The following NUP205 variants were observed in gnomAD, a reference collection of about 807,000 sequenced individuals.
The protein encoded by NUP205 is nucleoporin 205.
A neutral mutation model predicts 253.8 loss-of-function variants in NUP205; 76 were observed. That is an observed-to-expected ratio of 0.30 (90% CI 0.25 to 0.36). NUP205 has a LOEUF of 0.36. NUP205 is among the 10% of genes least tolerant of loss of function. The pLI is 1.00. For synonymous variants in NUP205, 832 were observed against 850.1 expected (o/e 0.98, Z 0.37); for missense variants, 2,162 against 2,425.5 (o/e 0.89, Z 2.28).
At chr7:135,607,959 G>A (rs377607763) in intron 22 of NUP205, among the ~76,000 whole-genome samples, 35 of 149,938 alleles carry the variant, frequency 2.3e-4, no homozygotes, top group African/African-American at 8.1e-4. Flanking sequence ...GTCCCACCAT[G>A]CATGACTAAT....
intron 35 of NUP205, among the ~76,000 whole-genome samples, chr7:135,634,190 C>T (rs1794767084): frequency 6.6e-6 from 1 of 152,156 alleles, no homozygotes; most frequent in African/African-American, 2.4e-5. Context: ...CACACCTCAG[C>T]CTCCCAAAAT....
intron 30 of NUP205, among the ~76,000 whole-genome samples, chr7:135,621,754 C>A (rs1794474299): frequency 6.6e-6 from 1 of 151,948 alleles, no homozygotes; most frequent in Admixed American, 6.5e-5. Context: ...TTTTTGGAGG[C>A]AAATTTTTGT....
In NUP205 at chr7:135,638,616, C is replaced by T. The variant is rs115209634; in HGVS notation, c.5325C>T (p.Phe1775=). Residue 1775 remains phenylalanine, a synonymous_variant, in exon 38 of 43, where the codon TTC becomes TTT. Coordinates refer to ENST00000285968, the MANE Select transcript of NUP205 (RefSeq NM_015135.3). Reference sequence around the variant, plus strand: ...TCATGTTACAGAGTTCCCCTACCTTCCAGCATGCTGTGTGTCTCTTCACTC... The same window carrying T: ...TCATGTTACAGAGTTCCCCTACCTTTCAGCATGCTGTGTGTCTCTTCACTC... The part of the protein sequence containing the change: ...QSLMLQSSPT[F]QHAVCLFTPS... 234 of 1,613,872 alleles carry T rather than the reference C, an allele frequency of 1.4e-4. 1 individual carries two copies. The African/African-American group carries it at 2.9e-3, about 20-fold the overall frequency.
At chr7:135,633,261 G>A (rs1231517013) in intron 35 of NUP205, among the ~76,000 whole-genome samples, 1 of 151,822 alleles carries the variant, frequency 6.6e-6, no homozygotes, top group East Asian at 1.9e-4. Context: ...ACCACGCCTG[G>A]CCTATTTGTT....
At chr7:135,614,402 CT>C (rs139088190) in intron 23 of NUP205, 129 bp downstream of exon 23, 8,617 of 581,098 alleles carry the variant, frequency 0.015, 612 homozygotes, top group African/African-American at 0.15. Flanking sequence ...ATTTTGGGTT[CT>C]TTTTGTAATT....
chr7:135,629,896 C>T (rs1420018936), intron 34 of NUP205, among the ~76,000 whole-genome samples: 13 of 152,152 alleles, frequency 8.5e-5, no homozygotes, highest in Non-Finnish European at 1.9e-4. Flanking sequence ...GTGATTTCCC[C>T]ATGTCATGCT....
At chr7:135,630,306 C>CTT in intron 34 of NUP205, 38 bp from the exon 35 acceptor site, 1 of 1,473,696 alleles carries the variant, frequency 6.8e-7, no homozygotes, top group Non-Finnish European at 9.1e-7. Flanking sequence ...TCTACTTCTA[C>CTT]CTGTTTTTTC....
Position 135,576,958 on chromosome 7 carries a change from T to C in NUP205, c.489-11T>C. On this transcript the variant is annotated splice_polypyrimidine_tract_variant and intron_variant, in intron 4 of 42. Coordinates refer to ENST00000285968, the MANE Select transcript of NUP205 (RefSeq NM_015135.3). ...TGTTTAACGTAGTTTATTGATTTCT[T>C]TTCATTACAGTCCAGAGCTGGCTTC... The C allele has an allele frequency of 6.2e-7, 1 of 1,602,608 alleles. No homozygotes were observed. Among genetic ancestry groups the C allele is most frequent in the Non-Finnish European group, 8.5e-7 (1 of 1,176,896 alleles).
At chr7:135,594,484 TTGC>T (rs990715753) in intron 12 of NUP205, 60 bp from the exon 13 acceptor site, 69 of 1,290,642 alleles carry the variant, frequency 5.3e-5, no homozygotes, top group Non-Finnish European at 7.1e-5. Flanking sequence ...ATTTAGATGA[TTGC>T]TGGTCATTTT....
intron 41 of NUP205, 120 bp downstream of exon 41, chr7:135,645,716 G>T (rs1187958539): frequency 2.1e-6 from 2 of 954,056 alleles, no homozygotes; most frequent in Non-Finnish European, 3.1e-6. Flanking sequence ...TGAATCAAGA[G>T]CTGTTTAGTC....
Position 135,638,078 on chromosome 7 carries a change from C to T in NUP205, c.5265+19C>T, listed in dbSNP as rs1276559824. On this transcript the variant is annotated intron_variant, in intron 37 of 42. Transcript: ENST00000285968. ...GCAGCAGGTAAGAACCATGTGACTT[C>T]TCTAAGGTTTTTATGTTTTTGGAAA... 3 of 1,602,216 alleles carry T rather than the reference C, an allele frequency of 1.9e-6. No individual in the cohort carries two copies.
intron 30 of NUP205, among the ~76,000 whole-genome samples, chr7:135,621,009 CAG>C (rs1454848333): frequency 5.9e-5 from 9 of 152,168 alleles, no homozygotes; most frequent in Admixed American, 5.9e-4. Flanking sequence ...TCAAGTTATT[CAG>C]AGTTATTCTG....
At chr7:135,604,870 A>G (rs1794053867) in intron 19 of NUP205, among the ~76,000 whole-genome samples, 1 of 152,160 alleles carries the variant, frequency 6.6e-6, no homozygotes, top group Non-Finnish European at 1.5e-5. Context: ...CTTGTGATCC[A>G]CCTGTGTGTC....
rs372978890 is a variant in NUP205, at chr7:135,591,445, T to C, written c.1474-5T>C. ...ATATAAACCATTTGTTTCTCTCTTT[T>C]TCAGGTTGTCTTGTCAAAGTTTGTT... On this transcript the variant is annotated splice_region_variant and splice_polypyrimidine_tract_variant and intron_variant, in intron 10 of 42. Transcript: ENST00000285968. The C allele has an allele frequency of 1.2e-6, 2 of 1,613,454 alleles. No individual in the cohort carries two copies. Among genetic ancestry groups the C allele is most frequent in the East Asian group, 2.2e-5 (1 of 44,860 alleles).
chr7:135,621,471 TAAG>T lies in NUP205; in HGVS notation c.4331-1302_4331-1300del, dbSNP rs1023209254. 1.1e-3 allele frequency among the ~76,000 whole-genome samples: 175 copies of T among 152,332 alleles called. 1 individual carries two copies. Among genetic ancestry groups the T allele is most frequent in the African/African-American group, 4.1e-3 (169 of 41,562 alleles). ...GTGGGGCTCTACAATAGGCTTTTTA[TAAG>T]AAGTCATCAAGATGCCAATTTAAAA... On this transcript the variant is annotated intron_variant, in intron 30 of 42. Transcript: ENST00000285968.
chr7:135,597,261 G>C, intron 13 of NUP205, 107 bp from the exon 14 acceptor site: 1 of 704,640 alleles, frequency 1.4e-6, no homozygotes, highest in South Asian at 1.9e-5. Flanking sequence ...GACATTGTGA[G>C]ATCTGTGGGT....
rs749738351 is a variant in NUP205 at position 135,616,744 on chromosome 7, T to C, written c.3532+18T>C. The C allele has an allele frequency of 2.4e-5, 34 of 1,439,872 alleles. No homozygotes were observed. The highest frequency in any genetic ancestry group is 3.0e-5 in the Non-Finnish European group (32 of 1,074,978). 89.2% of individuals were successfully genotyped at this position (1,439,872 alleles called of 1,614,324 possible). On this transcript the variant is annotated intron_variant, in intron 25 of 42. Coordinates refer to ENST00000285968, the MANE Select transcript of NUP205 (RefSeq NM_015135.3). ...TACAAAAGGTAATGCCCTTTGAATT[T>C]GTAATAAATTTATTTTATAGACATA...
chr7:135,605,678 A>G (rs1794071765), intron 19 of NUP205, among the ~76,000 whole-genome samples: 1 of 152,148 alleles, frequency 6.6e-6, no homozygotes, highest in Non-Finnish European at 1.5e-5. Flanking sequence ...ATAAATTGTT[A>G]TTACTGATTT....
At position 135,637,966 on chromosome 7, in the gene NUP205, C is replaced by T. The variant is rs933654001; in HGVS notation, c.5172C>T (p.Gly1724=). The T allele has an allele frequency of 3.1e-6, 5 of 1,613,734 alleles. No individual in the cohort carries two copies. The highest frequency in any genetic ancestry group is 4.2e-6 in the Non-Finnish European group (5 of 1,179,850). Residue 1724 remains glycine, a synonymous_variant, in exon 37 of 43, where the codon GGC becomes GGT. Coordinates refer to ENST00000285968, the MANE Select transcript of NUP205 (RefSeq NM_015135.3). ...TAGGACTACTAAGTCGCTTTGGTGG[C>T]TCTGACAGACTGCGTCAGTTTAAAT... is the stretch of plus-strand genomic sequence containing the variant. ...QCLGLLSRFG[G]SDRLRQFKFQ...
Sources: gnomAD v4.1 joint callset for allele counts (sites outside exome capture counted in the v4.1 genomes callset) on GRCh38, gnomAD v4.1.1 for gene constraint, MANE v1.5 for transcripts, NCBI Gene and HGNC (gene_info 2026-07-23, HGNC 2026-07-21) for gene names.